GRID2: variants seen among roughly 807,000 people sequenced by gnomAD.
The protein encoded by GRID2 is glutamate receptor ionotropic, delta-2.
GRID2 carries 33 observed loss-of-function variants against 114.8 expected under a neutral mutation model. That is an observed-to-expected ratio of 0.29 (90% CI 0.22 to 0.38). GRID2 has a LOEUF of 0.38. Ranked by LOEUF, GRID2 falls within the 10% of genes least tolerant of loss-of-function variation. The pLI is 1.00. For synonymous variants in GRID2, 505 were observed against 449.9 expected (o/e 1.12, Z -1.55); for missense variants, 1,184 against 1,257.7 (o/e 0.94, Z 0.89).
chr4:92,580,157 A>G (rs1728110130), intron 1 of GRID2, among the ~76,000 whole-genome samples: 1 of 151,094 alleles, frequency 6.6e-6, no homozygotes, highest in South Asian at 2.1e-4. Flanking sequence ...TCTCCTTTAC[A>G]GTTGTCTAGT....
At chr4:92,541,158 G>T (rs1468834380) in intron 1 of GRID2, among the ~76,000 whole-genome samples, 1 of 152,074 alleles carries the variant, frequency 6.6e-6, no homozygotes, top group Non-Finnish European at 1.5e-5. Flanking sequence ...TGGGGAGAGG[G>T]GGGAGGGATA....
intron 2 of GRID2, among the ~76,000 whole-genome samples, chr4:92,667,755 T>G (rs1448554320): frequency 6.6e-6 from 1 of 151,698 alleles, no homozygotes; most frequent in Non-Finnish European, 1.5e-5. Flanking sequence ...GGAATAAAAA[T>G]TTTTAATTCC....
At chr4:92,479,000 T>C (rs1002323354) in intron 1 of GRID2, among the ~76,000 whole-genome samples, 1 of 152,142 alleles carries the variant, frequency 6.6e-6, no homozygotes, top group Non-Finnish European at 1.5e-5. Context: ...CTTTATGGTG[T>C]GGCTGCATTT....
rs1349923694 is a variant in GRID2, at chr4:92,917,563, T to A, written c.245-167432T>A. On this transcript the variant is annotated intron_variant, in intron 2 of 15. Coordinates refer to ENST00000282020, the MANE Select transcript of GRID2 (RefSeq NM_001510.4). Reference sequence around the variant, plus strand: ...TAAGATGTAAGGAAGGGATCCATTTTGAGCTTTCTACATATGGCTAGCCAG... The same window carrying A: ...TAAGATGTAAGGAAGGGATCCATTTAGAGCTTTCTACATATGGCTAGCCAG... 2.6e-5 allele frequency among the ~76,000 whole-genome samples: 4 copies of A among 152,340 alleles called. No homozygotes were observed. The East Asian group carries it at 7.7e-4, about 29-fold the overall frequency.
intron 13 of GRID2, among the ~76,000 whole-genome samples, chr4:93,613,235 A>T (rs1274865068): frequency 7.0e-6 from 1 of 143,152 alleles, no homozygotes; most frequent in African/African-American, 2.6e-5. Context: ...CAAAGTTTTC[A>T]ACTTCTTTGC....
At chr4:93,076,264 A>G (rs1349424475) in intron 2 of GRID2, among the ~76,000 whole-genome samples, 1 of 152,086 alleles carries the variant, frequency 6.6e-6, no homozygotes, top group Non-Finnish European at 1.5e-5. Flanking sequence ...AGTGTGTGGA[A>G]TGGCAGGAAG....
chr4:93,478,602 C>G (rs1257623439), intron 11 of GRID2, among the ~76,000 whole-genome samples: 1 of 151,110 alleles, frequency 6.6e-6, no homozygotes, highest in African/African-American at 2.4e-5. Context: ...AACTACATAA[C>G]ATAAAATTAA....
intron 2 of GRID2, among the ~76,000 whole-genome samples, chr4:93,075,883 C>CTGTTTTTTT (rs1490779668): frequency 2.6e-5 from 2 of 76,606 alleles, no homozygotes; most frequent in African/African-American, 1.1e-4. Flanking sequence ...AGTTACCTCT[C>CTGTTTTTTT]TTTTTTTTTT....
At chr4:92,342,494 T>C (rs1410041343) in intron 1 of GRID2, among the ~76,000 whole-genome samples, 1 of 152,194 alleles carries the variant, frequency 6.6e-6, no homozygotes, top group Non-Finnish European at 1.5e-5. Flanking sequence ...TGGCTCATTT[T>C]AGTTAAAGCA....
chr4:92,987,714 T>C (rs1464259850), intron 2 of GRID2, among the ~76,000 whole-genome samples: 1 of 152,082 alleles, frequency 6.6e-6, no homozygotes, highest in African/African-American at 2.4e-5. Context: ...AAATATTTTA[T>C]TGAATGAATT....
intron 14 of GRID2, among the ~76,000 whole-genome samples, chr4:93,680,157 C>A (rs537859715): frequency 1.3e-5 from 2 of 151,922 alleles, no homozygotes; most frequent in Non-Finnish European, 2.9e-5. Context: ...CACCTCTACA[C>A]GAATAAACTA....
intron 1 of GRID2, among the ~76,000 whole-genome samples, chr4:92,342,070 C>G (rs1727521163): frequency 6.6e-6 from 1 of 152,018 alleles, no homozygotes; most frequent in Admixed American, 6.5e-5. Flanking sequence ...CTGCGCTGGG[C>G]ACTGAGAATT....
intron 8 of GRID2, among the ~76,000 whole-genome samples, chr4:93,380,015 A>G (rs2149306438): frequency 6.6e-6 from 1 of 152,224 alleles, no homozygotes; most frequent in African/African-American, 2.4e-5. Context: ...AGTAAGTTAA[A>G]TGGTGCCCAA....
chr4:92,936,951 T>C (rs1750719571), intron 2 of GRID2, among the ~76,000 whole-genome samples: 1 of 146,874 alleles, frequency 6.8e-6, no homozygotes, highest in East Asian at 2.2e-4. Context: ...TGAGCATCTT[T>C]TCATGTGCTT....
intron 2 of GRID2, among the ~76,000 whole-genome samples, chr4:92,836,729 C>A (rs968643744): frequency 1.3e-5 from 2 of 152,104 alleles, no homozygotes; most frequent in African/African-American, 4.8e-5. Flanking sequence ...TAAAGACACA[C>A]ACACACACAT....
chr4:93,044,667 A>G (rs1040765738), intron 2 of GRID2, among the ~76,000 whole-genome samples: 1 of 152,174 alleles, frequency 6.6e-6, no homozygotes, highest in African/African-American at 2.4e-5. Flanking sequence ...TTTCTTGTAC[A>G]TACTTTCTGA....
chr4:92,742,854 GA>G (rs886291733), intron 2 of GRID2, among the ~76,000 whole-genome samples: 1 of 152,144 alleles, frequency 6.6e-6, no homozygotes, highest in African/African-American at 2.4e-5. Flanking sequence ...AATAAAAGGA[GA>G]ATTAAGACCC....
At chr4:93,396,908 C>T (rs963376042) in intron 9 of GRID2, among the ~76,000 whole-genome samples, 3 of 151,932 alleles carry the variant, frequency 2.0e-5, no homozygotes, top group East Asian at 1.9e-4. Flanking sequence ...TGTTTCAAAA[C>T]GTAATAGTCC....
intron 1 of GRID2, among the ~76,000 whole-genome samples, chr4:92,351,502 G>A (rs1043690273): frequency 5.9e-5 from 9 of 151,694 alleles, no homozygotes; most frequent in African/African-American, 2.2e-4. Context: ...ATTTGTTTGT[G>A]TTGGGATCTT....
Sources: gnomAD v4.1 joint callset for allele counts (sites outside exome capture counted in the v4.1 genomes callset) on GRCh38, gnomAD v4.1.1 for gene constraint, MANE v1.5 for transcripts, NCBI Gene and HGNC (gene_info 2026-07-23, HGNC 2026-07-21) for gene names.